Variants in MKX observed in about 807,000 individuals in gnomAD.
The protein encoded by MKX is mohawk homeobox, also known as homeobox protein Mohawk.
Under a neutral mutation model 36.0 loss-of-function variants are expected in MKX, and 13 were observed. That is an observed-to-expected ratio of 0.36 (90% CI 0.24 to 0.57). The LOEUF (loss-of-function observed/expected upper bound fraction) is 0.57. Among genes scored for constraint, MKX ranks in the 20% least tolerant of loss-of-function variants. MKX has a pLI of 0.79. For synonymous variants in MKX, 176 were observed against 178.3 expected, an observed-to-expected ratio of 0.99 and a Z score of 0.10; for missense variants, 458 against 456.4, an observed-to-expected ratio of 1.00 and a Z score of -0.03.
At chr10:27,717,213 C>T (rs11015965) in intron 5 of MKX, among the ~76,000 whole-genome samples, 18,495 of 152,134 alleles carry the variant, frequency 0.12, 1,209 homozygotes, top group East Asian at 0.3. Flanking sequence ...ACCTTGATGT[C>T]ATCCTGGTGA....
intron 5 of MKX, among the ~76,000 whole-genome samples, chr10:27,717,152 A>G (rs1836980727): frequency 6.6e-6 from 1 of 152,096 alleles, no homozygotes; most frequent in Non-Finnish European, 1.5e-5. Flanking sequence ...GAGCTGTGTC[A>G]TTGGCCTGGA....
At chr10:27,701,401 A>C (rs2132526593) in intron 5 of MKX, among the ~76,000 whole-genome samples, 2 of 147,204 alleles carry the variant, frequency 1.4e-5, no homozygotes, top group African/African-American at 4.9e-5. Flanking sequence ...TAAAATTATA[A>C]AATATAACAG....
intron 5 of MKX, among the ~76,000 whole-genome samples, chr10:27,726,000 GAC>G (rs1265110290): frequency 6.6e-6 from 1 of 152,084 alleles, no homozygotes; most frequent in East Asian, 1.9e-4. Flanking sequence ...TGGAAATACT[GAC>G]ACAGTCTTAA....
At chr10:27,708,384 A>G (rs1836793514) in intron 5 of MKX, among the ~76,000 whole-genome samples, 1 of 152,172 alleles carries the variant, frequency 6.6e-6, no homozygotes, top group Non-Finnish European at 1.5e-5. Context: ...TGCACCATTA[A>G]TGTATTTGTT....
chr10:27,717,816 A>G lies in MKX; in HGVS notation c.838+16640T>C, dbSNP rs192021073. Among the ~76,000 whole-genome samples the G allele has an allele frequency of 2.0e-4, 31 of 152,378 alleles. No individual in the cohort carries two copies. The East Asian group carries it at 6.0e-3, about 29-fold the overall frequency. ...ATTTTAGCACCTTAAAGGATGAACC[A>G]GAGAACTAGCTCTATAATTCAGGGA... On this transcript the variant is annotated intron_variant, in intron 5 of 6. Coordinates refer to ENST00000419761, the MANE Select transcript of MKX (RefSeq NM_173576.3).
At chr10:27,721,422 A>G (rs1289230834) in intron 5 of MKX, among the ~76,000 whole-genome samples, 1 of 152,244 alleles carries the variant, frequency 6.6e-6, no homozygotes, top group East Asian at 1.9e-4. Context: ...TGGTACATAT[A>G]CACCATGGAA....
intron 5 of MKX, among the ~76,000 whole-genome samples, chr10:27,720,780 A>G (rs1834358605): frequency 6.6e-6 from 1 of 152,194 alleles, no homozygotes; most frequent in African/African-American, 2.4e-5. Flanking sequence ...CCTGGCCAAC[A>G]TGATGCAATA....
intron 5 of MKX, among the ~76,000 whole-genome samples, chr10:27,704,556 C>G (rs938223103): frequency 2.0e-5 from 3 of 151,910 alleles, no homozygotes; most frequent in African/African-American, 7.3e-5. Context: ...AAAGACAAGA[C>G]CAACTCAATT....
intron 5 of MKX, among the ~76,000 whole-genome samples, chr10:27,732,481 C>T (rs938822639): frequency 6.6e-6 from 1 of 151,958 alleles, no homozygotes; most frequent in East Asian, 1.9e-4. Flanking sequence ...TGTTTAATAA[C>T]TGTTTATTGA....
chr10:27,714,672 G>A (rs1273508362), intron 5 of MKX, among the ~76,000 whole-genome samples: 1 of 152,102 alleles, frequency 6.6e-6, no homozygotes, highest in Non-Finnish European at 1.5e-5. Flanking sequence ...GATATTTCTG[G>A]TTAACATGAA....
intron 5 of MKX, among the ~76,000 whole-genome samples, chr10:27,701,065 C>T (rs948516119): frequency 2.0e-5 from 3 of 152,186 alleles, no homozygotes; most frequent in Admixed American, 6.5e-5. Flanking sequence ...GGCTGGATGC[C>T]TCTAGCAGTT....
intron 5 of MKX, among the ~76,000 whole-genome samples, chr10:27,693,087 C>T (rs1203722208): frequency 1.3e-5 from 2 of 152,176 alleles, no homozygotes; most frequent in African/African-American, 2.4e-5. Flanking sequence ...CTTCTGGAAC[C>T]ATAGGGCTGA....
chr10:27,691,016 G>A (rs946929942), intron 5 of MKX, among the ~76,000 whole-genome samples: 12 of 152,162 alleles, frequency 7.9e-5, no homozygotes, highest in Non-Finnish European at 1.6e-4. Flanking sequence ...GCCTTGTGAA[G>A]AAGGTGCCTG....
Position 27,735,285 on chromosome 10 carries a change from G to A in MKX, c.438C>T (p.Tyr146=). The change falls in exon 4 of 7, where the codon TAC becomes TAT. Residue 146 remains tyrosine (Y), a synonymous_variant. Transcript: ENST00000419761. ...CAGCATTGCCTTGAACATACTTGTT[G>A]TATAACTTTATTCTCAAAGCCCAGC... is the stretch of plus-strand genomic sequence containing the variant. ...DLSWALRIKL[Y]NKYVQGNAER... 6.2e-7 allele frequency: 1 copy of A among 1,613,824 alleles called. No homozygotes were observed. Among genetic ancestry groups the A allele is most frequent in the South Asian group, 1.1e-5 (1 of 91,038 alleles).
At chr10:27,704,339 C>A (rs986432946) in intron 5 of MKX, among the ~76,000 whole-genome samples, 1 of 151,930 alleles carries the variant, frequency 6.6e-6, no homozygotes, top group Non-Finnish European at 1.5e-5. Context: ...CAAGTTGTCC[C>A]TAAAGTTAAT....
intron 5 of MKX, among the ~76,000 whole-genome samples, chr10:27,685,592 G>A (rs1204748303): frequency 6.6e-5 from 10 of 152,056 alleles, no homozygotes; most frequent in Non-Finnish European, 1.0e-4. Flanking sequence ...GGGACTACAG[G>A]CGCCCGCCAC....
intron 5 of MKX, among the ~76,000 whole-genome samples, chr10:27,698,602 G>A (rs1040789771): frequency 6.6e-6 from 1 of 152,166 alleles, no homozygotes; most frequent in Non-Finnish European, 1.5e-5. Context: ...GGGGGGCAAG[G>A]AAGAAGGCCA....
chr10:27,683,216 C>G (rs1017026489), intron 5 of MKX, among the ~76,000 whole-genome samples: 9 of 152,050 alleles, frequency 5.9e-5, no homozygotes, highest in African/African-American at 9.7e-5. Flanking sequence ...GATGGGGGGG[C>G]CCCTGTTTTA....
chr10:27,693,667 C>T (rs2132513550), intron 5 of MKX, among the ~76,000 whole-genome samples: 1 of 152,232 alleles, frequency 6.6e-6, no homozygotes. Context: ...AATAAGACAC[C>T]TATAAATAAA....
Sources: allele counts gnomAD v4.1 joint callset (sites outside exome capture counted in the v4.1 genomes callset), GRCh38; gene constraint gnomAD v4.1.1; transcripts MANE v1.5; gene names NCBI Gene and HGNC (gene_info 2026-07-23, HGNC 2026-07-21).